VWF: variants seen among roughly 807,000 people sequenced by gnomAD.
The protein encoded by VWF is Factor VIII related antigen.
Under a neutral mutation model 308.6 loss-of-function variants are expected in VWF, and 176 were observed. The observed-to-expected ratio is 0.57, with a 90% confidence interval of 0.50 to 0.65. The LOEUF is 0.65. Among genes scored for constraint, VWF ranks in the 30% least tolerant of loss-of-function variants. The pLI, the probability that VWF is intolerant of heterozygous loss-of-function variation, is 0.00. For missense variants in VWF, 3,146 were observed against 3,648.2 expected, an observed-to-expected ratio of 0.86 and a Z score of 3.55; for synonymous variants, 1,385 against 1,443.4, an observed-to-expected ratio of 0.96 and a Z score of 0.92.
Position 5,994,031 on chromosome 12 carries a change from G to A in VWF, c.6429C>T (p.Leu2143=). The change falls in exon 37 of 52, where the codon CTC becomes CTT. Residue 2143 remains leucine, a synonymous_variant. Transcript: ENST00000261405. ...VPDSSHCQVL[L]LPLFAECHKV... is the part of the protein sequence containing the mutation. ...TGTGGCATTCAGCAAACAGTGGTAAGAGGAGGACCTGGCAGTGGGAGCTGT... is the reference window on the plus strand; with the variant it reads ...TGTGGCATTCAGCAAACAGTGGTAAAAGGAGGACCTGGCAGTGGGAGCTGT... 2 of 1,614,206 alleles carry A rather than the reference G, an allele frequency of 1.2e-6. No homozygotes were observed. Among genetic ancestry groups the A allele is most frequent in the Non-Finnish European group, 1.7e-6 (2 of 1,180,042 alleles).
At position 5,985,717 on chromosome 12, in the gene VWF, C is replaced by T. The variant is rs528132344; in HGVS notation, c.6799-52G>A. ...GGCACAGGACATTCTAGGTACGAAG[C>T]CCAGAATTCACAGAGGTCAGCTCTC... On this transcript the variant is annotated intron_variant, in intron 38 of 51. Coordinates refer to ENST00000261405, the MANE Select transcript of VWF (RefSeq NM_000552.5). 19 of 1,558,932 alleles carry T rather than the reference C, an allele frequency of 1.2e-5. No homozygotes were observed. In the African/African-American group the frequency reaches 1.6e-4, roughly 13 times the overall value.
intron 50 of VWF, 146 bp downstream of exon 50, chr12:5,951,698 G>A: frequency 1.1e-6 from 1 of 920,660 alleles, no homozygotes; most frequent in Non-Finnish European, 1.8e-6. Context: ...TGACTGACCA[G>A]TGGTCACGAA....
chr12:5,965,803 C>G (rs369687486), intron 47 of VWF, among the ~76,000 whole-genome samples: 1 of 152,134 alleles, frequency 6.6e-6, no homozygotes, highest in African/African-American at 2.4e-5. Flanking sequence ...TGAGCTAGAA[C>G]GGGATCAGCA....
intron 35 of VWF, among the ~76,000 whole-genome samples, chr12:5,995,545 T>C (rs766814976): frequency 2.1e-4 from 32 of 152,296 alleles, no homozygotes; most frequent in Non-Finnish European, 4.1e-4. Context: ...ATCATTTATA[T>C]ATATATATAT....
rs750296925 is a variant in VWF at position 5,983,161 on chromosome 12, T to A, written c.7070A>T (p.Asn2357Ile). 28 of 1,613,698 alleles carry A rather than the reference T, an allele frequency of 1.7e-5. No homozygotes were observed. In the Admixed American group the frequency reaches 2.5e-4, roughly 14 times the overall value. The change falls in exon 41 of 52, where the codon AAC becomes ATC. Residue 2357 changes from asparagine to isoleucine, a missense_variant. Asn to Ile is a moderately radical substitution (Grantham distance 149, BLOSUM62 -3). Around this residue, in one of 3 missense-constraint regions of VWF, gnomAD observed 989 missense variants for 1,117.4 expected, o/e 0.89. Transcript: ENST00000261405. ...TLTNPGECRP[N>I]FTCACRKEEC... ...CACAGAGGCCTTACCGCAGGTGAAG[T>A]TGGGTCTGCACTCGCCAGGGTTGGT...
chr12:5,949,239 T>C (rs754415780), intron 51 of VWF, 36 bp from the exon 52 acceptor site: 4 of 1,606,566 alleles, frequency 2.5e-6, no homozygotes, highest in African/African-American at 1.3e-5. Context: ...AGCTTCACAA[T>C]GGTGGGAAGT....
intron 6 of VWF, among the ~76,000 whole-genome samples, chr12:6,092,527 G>GTA (rs1393878784): frequency 5.3e-5 from 8 of 151,686 alleles, no homozygotes; most frequent in Non-Finnish European, 1.2e-4. Context: ...GTCTGTGTGT[G>GTA]TGTGTGTGCA....
In VWF at chr12:6,095,734, T is replaced by C. The variant is rs553386095; in HGVS notation, c.533-150A>G. ...TCTGGCTATGTTTCCCAGGCTGGAG[T>C]GCAGCGGCTATTCACAAGTGCAATC... On this transcript the variant is annotated intron_variant, in intron 5 of 51. Coordinates refer to ENST00000261405, the MANE Select transcript of VWF (RefSeq NM_000552.5). The C allele has an allele frequency of 6.1e-5, 67 of 1,106,370 alleles. No individual in the cohort carries two copies. The African/African-American group carries it at 9.3e-4, about 15-fold the overall frequency. 68.5% of individuals were successfully genotyped at this position (1,106,370 alleles called of 1,614,324 possible).
intron 43 of VWF, among the ~76,000 whole-genome samples, chr12:5,974,561 T>C (rs1172204881): frequency 2.0e-5 from 3 of 152,200 alleles, no homozygotes; most frequent in African/African-American, 7.2e-5. Flanking sequence ...GCTGGGCCTG[T>C]CAACTTTCCT....
At chr12:6,013,361 T>C in intron 32 of VWF, 120 bp downstream of exon 32, 1 of 1,290,360 alleles carries the variant, frequency 7.7e-7, no homozygotes. Flanking sequence ...TAATCTTCAT[T>C]CAAGGCCAAA....
chr12:6,005,700 G>C (rs1183285139), intron 34 of VWF, among the ~76,000 whole-genome samples: 1 of 152,204 alleles, frequency 6.6e-6, no homozygotes, highest in Non-Finnish European at 1.5e-5. Flanking sequence ...TTGCAGGCCA[G>C]AAGGGAGATG....
Position 5,996,015 on chromosome 12 carries a change from T to C in VWF, c.6050A>G (p.His2017Arg). 1 of 1,612,876 alleles carries C rather than the reference T, an allele frequency of 6.2e-7. No homozygotes were observed. The highest frequency in any genetic ancestry group is 8.5e-7 in the Non-Finnish European group (1 of 1,179,980). ...AGTACTTCTCACCTCCATGTCACTG[T>C]GCAGCTCGACGGAGAGGGCACTGTG... Reference protein sequence around the residue: ...VKHSALSVELHSDMEVTVNGR... With the variant: ...VKHSALSVELRSDMEVTVNGR... The change falls in exon 35 of 52, where the codon CAC becomes CGC. Residue 2017 changes from histidine (H) to arginine (R), a missense_variant. Around this residue, in one of 3 missense-constraint regions of VWF, gnomAD observed 989 missense variants for 1,117.4 expected, o/e 0.89. Transcript: ENST00000261405.
At chr12:6,086,451 A>T (rs1196181862) in intron 6 of VWF, among the ~76,000 whole-genome samples, 2 of 152,186 alleles carry the variant, frequency 1.3e-5, no homozygotes, top group African/African-American at 4.8e-5. Flanking sequence ...CTGCATTCCA[A>T]GGGTCCTTCC....
At chr12:6,118,399 T>C (rs1945393004) in intron 3 of VWF, among the ~76,000 whole-genome samples, 1 of 134,560 alleles carries the variant, frequency 7.4e-6, no homozygotes, top group Non-Finnish European at 1.6e-5. Context: ...TTTTTTTTTT[T>C]TTTTTTTGAG....
intron 38 of VWF, among the ~76,000 whole-genome samples, chr12:5,987,224 G>T (rs944530253): frequency 6.6e-6 from 1 of 152,044 alleles, no homozygotes; most frequent in Non-Finnish European, 1.5e-5. Flanking sequence ...CACTATGCCC[G>T]GCCCAAATCC....
At chr12:6,091,817 T>A (rs147081415) in intron 6 of VWF, among the ~76,000 whole-genome samples, 1 of 152,258 alleles carries the variant, frequency 6.6e-6, no homozygotes, top group African/African-American at 2.4e-5. Flanking sequence ...CCTGAACCAA[T>A]GTGACCCGAA....
rs767800116 is a variant in VWF, at chr12:6,018,479, C to T, written c.4939G>A (p.Ala1647Thr). 3.7e-6 allele frequency: 6 copies of T among 1,613,692 alleles called. No homozygotes were observed. The Admixed American group carries it at 1.0e-4, about 27-fold the overall frequency. The change falls in exon 28 of 52, where the codon GCC becomes ACC. Residue 1647 changes from alanine (A) to threonine (T), a missense_variant. Ala to Thr is a moderately conservative substitution (Grantham distance 58). Transcript: ENST00000261405. ...TCAAAGTCCTGGATGAGGATAGGGG[C>T]ATTGGGCCAGCCAATCCTCTCCAGC... The part of the protein sequence containing the change: ...QELERIGWPN[A>T]PILIQDFETL...
intron 6 of VWF, among the ~76,000 whole-genome samples, chr12:6,092,823 C>T (rs1025663333): frequency 5.9e-5 from 9 of 151,954 alleles, no homozygotes; most frequent in Non-Finnish European, 1.3e-4. Flanking sequence ...GTTAAGTCTC[C>T]ATCCCAAAAT....
Position 5,993,985 on chromosome 12 carries a change from A to ATGT in VWF, c.6472_6474dup (p.Thr2158dup). On this transcript the variant is annotated inframe_insertion, in exon 37 of 52. Transcript: ENST00000261405. ...CTGTCCTGCTGGCAGATGGCATAGA[A>ATGT]TGTGGCTGGAGCCAGGACCTTGTGG... 2 of 1,614,164 alleles carry ATGT rather than the reference A, an allele frequency of 1.2e-6. No homozygotes were observed. Among genetic ancestry groups the ATGT allele is most frequent in the Admixed American group, 1.7e-5 (1 of 60,024 alleles).
Sources: allele counts gnomAD v4.1 joint callset (sites outside exome capture counted in the v4.1 genomes callset), GRCh38; gene constraint gnomAD v4.1.1; regional missense constraint gnomAD v4.1.1; transcripts MANE v1.5; gene names NCBI Gene and HGNC (gene_info 2026-07-23, HGNC 2026-07-21).